The following CLEC2D variants were observed in gnomAD, a reference collection of about 807,000 sequenced individuals.
CLEC2D encodes C-type lectin domain family 2 member D.
CLEC2D carries 16 observed loss-of-function variants against 20.0 expected under a neutral mutation model. The ratio of observed to expected loss-of-function variants is 0.80; its 90% CI spans 0.54 to 1.22. The LOEUF is 1.22. CLEC2D is among the 50% of genes most tolerant of loss of function. The pLI, the probability that CLEC2D is intolerant of heterozygous loss-of-function variation, is 0.00. For synonymous variants in CLEC2D, 77 were observed against 71.1 expected, an observed-to-expected ratio of 1.08 and a Z score of -0.42; for missense variants, 207 against 221.5, an observed-to-expected ratio of 0.93 and a Z score of 0.42.
intron 1 of CLEC2D, among the ~76,000 whole-genome samples, chr12:9,670,053 T>C (rs1167806887): frequency 6.6e-6 from 1 of 151,752 alleles, no homozygotes; most frequent in Non-Finnish European, 1.5e-5. Flanking sequence ...GGATTGAAAA[T>C]AACAGTTAAT....
At chr12:9,679,895 T>C (rs1209094130) in intron 1 of CLEC2D, among the ~76,000 whole-genome samples, 1 of 152,222 alleles carries the variant, frequency 6.6e-6, no homozygotes, top group Non-Finnish European at 1.5e-5. Flanking sequence ...AGGTTTTAGA[T>C]AACCTAAGAC....
In CLEC2D at chr12:9,695,826, G is replaced by A. The variant is rs2120993277; in HGVS notation, c.*952G>A. 8.6e-7 allele frequency: 1 copy of A among 1,160,116 alleles called. No individual in the cohort carries two copies. Among genetic ancestry groups the A allele is most frequent in the Non-Finnish European group, 1.3e-6 (1 of 782,822 alleles). 71.9% of individuals were successfully genotyped at this position (1,160,116 alleles called of 1,614,324 possible). On this transcript the variant is annotated 3_prime_UTR_variant, in exon 5 of 5. Coordinates refer to ENST00000290855, the MANE Select transcript of CLEC2D (RefSeq NM_013269.6). ...GAAAGCAGTCTGCCCCTGGAGGTGG[G>A]CAGAAAAAAGTAAAACTTGCTGCTG... is the stretch of plus-strand genomic sequence containing the variant.
chr12:9,671,579 C>A (rs1865427016), intron 1 of CLEC2D, among the ~76,000 whole-genome samples: 1 of 152,244 alleles, frequency 6.6e-6, no homozygotes, highest in African/African-American at 2.4e-5. Context: ...CCCCTACCAT[C>A]ATCAGATTGC....
At chr12:9,692,779 G>A (rs766435137) in intron 3 of CLEC2D, 49 bp from the exon 4 acceptor site, 1 of 1,257,830 alleles carries the variant, frequency 8.0e-7, no homozygotes, top group East Asian at 2.5e-5. Context: ...TTCTGGGAGA[G>A]GATGGGTTAT....
chr12:9,686,859 G>A (rs1865759147), intron 2 of CLEC2D, among the ~76,000 whole-genome samples: 1 of 152,168 alleles, frequency 6.6e-6, no homozygotes, highest in East Asian at 1.9e-4. Context: ...AATCTCCTTA[G>A]TGGAAGGAAG....
At chr12:9,687,830 C>A in intron 2 of CLEC2D, 72 bp from the exon 3 acceptor site, 2 of 888,870 alleles carry the variant, frequency 2.3e-6, no homozygotes, top group Non-Finnish European at 3.2e-6. Context: ...AGTATATTAG[C>A]ACTTGGTAAT....
In CLEC2D at chr12:9,696,319, G is replaced by C. The variant is rs1865993028; in HGVS notation, c.*1445G>C. ...ATCTGGCTGTCCTTTTTATAGTGCAGAGTGAGAACTTTCCCTACCATGTTT... is the reference window on the plus strand; with the variant it reads ...ATCTGGCTGTCCTTTTTATAGTGCACAGTGAGAACTTTCCCTACCATGTTT... On this transcript the variant is annotated 3_prime_UTR_variant, in exon 5 of 5. Transcript: ENST00000290855. 4.9e-6 allele frequency: 3 copies of C among 616,706 alleles called. No individual in the cohort carries two copies. The highest frequency in any genetic ancestry group is 9.0e-6 in the Non-Finnish European group (3 of 334,242). The allele number at this position is 616,706 out of a possible 1,614,324, so 38.2% of individuals were successfully genotyped here.
In CLEC2D at chr12:9,696,143, C is replaced by T; in HGVS notation, c.*1269C>T. The T allele has an allele frequency of 1.1e-6, 1 of 914,238 alleles. No homozygotes were observed. Among genetic ancestry groups the T allele is most frequent in the Admixed American group, 1.7e-5 (1 of 58,740 alleles). 56.6% of individuals were successfully genotyped at this position (914,238 alleles called of 1,614,324 possible). A position where few individuals can be genotyped will look rare whatever the true frequency, so the allele number is the denominator to read the frequency against. On this transcript the variant is annotated 3_prime_UTR_variant, in exon 5 of 5. Transcript: ENST00000290855. The stretch of plus-strand genomic sequence containing the variant: ...CGTGGTTCTCTTCCCAAAGTGGAAA[C>T]CAAGTTCATCAATTATGTGAAGAAT...
At chr12:9,692,043 G>A (rs186607380) in intron 3 of CLEC2D, among the ~76,000 whole-genome samples, 94 of 152,336 alleles carry the variant, frequency 6.2e-4, no homozygotes, top group Admixed American at 4.8e-3. Flanking sequence ...CTATGCTGCT[G>A]CTGTTGTGAG....
chr12:9,691,247 A>G (rs1865856229), intron 3 of CLEC2D, among the ~76,000 whole-genome samples: 1 of 152,144 alleles, frequency 6.6e-6, no homozygotes. Context: ...ACTTAATAAT[A>G]CAGCCTCAAA....
In CLEC2D at chr12:9,685,402, T is replaced by A. The variant is rs2080211; in HGVS notation, c.173-2500T>A. Among the ~76,000 whole-genome samples, 5 of 152,136 alleles carry A rather than the reference T, an allele frequency of 3.3e-5. No homozygotes were observed. The East Asian group carries it at 9.7e-4, about 29-fold the overall frequency. ...ATCCACTGCTCTTTTCAGAGCTGGC[T>A]GGCAGGAATGTTTAAGTCTCCTGAA... On this transcript the variant is annotated intron_variant, in intron 2 of 4. Coordinates refer to ENST00000290855, the MANE Select transcript of CLEC2D (RefSeq NM_013269.6).
At chr12:9,680,178 C>A in intron 1 of CLEC2D, 1 of 272,446 alleles carries the variant, frequency 3.7e-6, no homozygotes, top group Non-Finnish European at 7.8e-6. Context: ...GGGGCTTTTA[C>A]CCCTTTGTTA....
In CLEC2D at chr12:9,698,095, TTTA is replaced by T. The variant is rs772208006; in HGVS notation, c.*3224_*3226del. 6.7e-6 allele frequency: 1 copy of T among 148,674 alleles called. No homozygotes were observed. Among genetic ancestry groups the T allele is most frequent in the Non-Finnish European group, 1.5e-5 (1 of 68,010 alleles). 9.2% of individuals were successfully genotyped at this position (148,674 alleles called of 1,614,324 possible). A position where few individuals can be genotyped will look rare whatever the true frequency, so the allele number is the denominator to read the frequency against. On this transcript the variant is annotated 3_prime_UTR_variant, in exon 5 of 5. Coordinates refer to ENST00000290855, the MANE Select transcript of CLEC2D (RefSeq NM_013269.6). ...GCTATTTGCATTTTTAAAGGATATT[TTTA>T]TTTTTTAAATTTTTAGCTGACAACT...
Position 9,697,394 on chromosome 12 carries a change from A to C in CLEC2D, c.*2520A>C, listed in dbSNP as rs1486093675. 1 of 152,224 alleles carries C rather than the reference A, an allele frequency of 6.6e-6. No homozygotes were observed. Among genetic ancestry groups the C allele is most frequent in the East Asian group, 1.9e-4 (1 of 5,202 alleles). 9.4% of individuals were successfully genotyped at this position (152,224 alleles called of 1,614,324 possible). On this transcript the variant is annotated 3_prime_UTR_variant, in exon 5 of 5. Coordinates refer to ENST00000290855, the MANE Select transcript of CLEC2D (RefSeq NM_013269.6). ...TCGGCCCATCCCTTCATTTCCCATA[A>C]GGGATACTTTTAGTTAATTTAATAT... is the stretch of plus-strand genomic sequence containing the variant.
intron 3 of CLEC2D, among the ~76,000 whole-genome samples, chr12:9,689,013 T>C (rs1224717517): frequency 6.6e-6 from 1 of 152,218 alleles, no homozygotes; most frequent in Non-Finnish European, 1.5e-5. Flanking sequence ...CTGCTGCCCA[T>C]GTTCTTGTAA....
Position 9,681,017 on chromosome 12 carries a change from G to T in CLEC2D, c.156G>T (p.Met52Ile), listed in dbSNP as rs1865624747. 3 of 1,577,206 alleles carry T rather than the reference G, an allele frequency of 1.9e-6. No homozygotes were observed. The highest frequency in any genetic ancestry group is 2.6e-6 in the Non-Finnish European group (3 of 1,147,878). ...TTCTGACAATCATAGTGTGTGGAAT[G>T]GTTGCTGCTTTAAGCGGTAAGTGAA... ...IMFLTIIVCG[M>I]VAALSAIRAN... The change falls in exon 2 of 5, where the codon ATG becomes ATT. Residue 52 changes from methionine (M) to isoleucine (I), a missense_variant. By Grantham distance (10) the Met-to-Ile change is conservative. Coordinates refer to ENST00000290855, the MANE Select transcript of CLEC2D (RefSeq NM_013269.6).
rs752144090 is a variant in CLEC2D, at chr12:9,694,262, A to G, written c.462-498A>G. Among the ~76,000 whole-genome samples the G allele has an allele frequency of 1.6e-3, 243 of 152,338 alleles. 1 individual carries two copies. Among genetic ancestry groups the G allele is most frequent in the African/African-American group, 5.6e-3 (234 of 41,580 alleles). The stretch of plus-strand genomic sequence containing the variant: ...TATATCATAGATGATAGTGATTCCA[A>G]TGAGCAAAGAGGAAAAATTTATAAT... On this transcript the variant is annotated intron_variant, in intron 4 of 4. Transcript: ENST00000290855.
intron 4 of CLEC2D, among the ~76,000 whole-genome samples, chr12:9,694,393 G>A (rs944749292): frequency 2.0e-5 from 3 of 152,108 alleles, no homozygotes; most frequent in African/African-American, 4.8e-5. Context: ...ATAAAATCAA[G>A]CATGGTTTTT....
chr12:9,671,251 TCTCA>T (rs1329405634), intron 1 of CLEC2D, among the ~76,000 whole-genome samples: 5 of 151,956 alleles, frequency 3.3e-5, no homozygotes, highest in African/African-American at 9.7e-5. Flanking sequence ...TGAGGTGGAG[TCTCA>T]CTCTGTCCCC....
Sources: gnomAD v4.1 joint callset for allele counts (sites outside exome capture counted in the v4.1 genomes callset) on GRCh38, gnomAD v4.1.1 for gene constraint, MANE v1.5 for transcripts, NCBI Gene and HGNC (gene_info 2026-07-23, HGNC 2026-07-21) for gene names.